MRPL50: variants seen among roughly 807,000 people sequenced by gnomAD.
MRPL50 encodes mitochondrial ribosomal protein L50, also known as large ribosomal subunit protein mL50.
Under a neutral mutation model 16.2 loss-of-function variants are expected in MRPL50, and 10 were observed. The ratio of observed to expected loss-of-function variants is 0.62; its 90% CI spans 0.38 to 1.05. The LOEUF is 1.05. Ranked by LOEUF, MRPL50 falls within the 50% of genes least tolerant of loss-of-function variation. The probability of loss-of-function intolerance (pLI) is 0.01; values close to 1 mark genes in which losing one functional copy is unlikely to be tolerated. For synonymous variants in MRPL50, 68 were observed against 66.8 expected (o/e 1.02, Z -0.09); for missense variants, 213 against 187.1 (o/e 1.14, Z -0.81).
intron 1 of MRPL50, among the ~76,000 whole-genome samples, chr9:101,393,179 A>C (rs1830294871): frequency 6.6e-6 from 1 of 152,166 alleles, no homozygotes. Flanking sequence ...AACTCTCAAT[A>C]AACTGGATAC....
At chr9:101,397,456 C>G (rs1830369947) in intron 1 of MRPL50, among the ~76,000 whole-genome samples, 1 of 152,156 alleles carries the variant, frequency 6.6e-6, no homozygotes, top group African/African-American at 2.4e-5. Context: ...TAGTTTTCTT[C>G]ATAATTTACC....
Position 101,390,856 on chromosome 9 carries a change from A to G in MRPL50, c.93-6T>C. The G allele has an allele frequency of 6.3e-7, 1 of 1,576,370 alleles. No individual in the cohort carries two copies. On this transcript the variant is annotated splice_polypyrimidine_tract_variant and splice_region_variant and intron_variant, in intron 1 of 1. Coordinates refer to ENST00000374865, the MANE Select transcript of MRPL50 (RefSeq NM_019051.3). ...CCACTGGCTCTTTCTCTTTTCTGGA[A>G]TGATCAAAAACAAACAGACAAATCC...
chr9:101,391,611 G>T (rs1830272109), intron 1 of MRPL50, among the ~76,000 whole-genome samples: 2 of 152,074 alleles, frequency 1.3e-5, no homozygotes, highest in African/African-American at 4.8e-5. Flanking sequence ...TAATCATAAT[G>T]AGGTCAATTC....
At chr9:101,392,055 T>A (rs986960803) in intron 1 of MRPL50, among the ~76,000 whole-genome samples, 4 of 151,938 alleles carry the variant, frequency 2.6e-5, no homozygotes, top group Admixed American at 6.6e-5. Context: ...AATAACATGC[T>A]CCCAAATGAC....
At chr9:101,393,268 T>C (rs11792975) in intron 1 of MRPL50, among the ~76,000 whole-genome samples, 10,786 of 152,054 alleles carry the variant, frequency 0.071, 504 homozygotes, top group South Asian at 0.15. Context: ...GCTAGCATCA[T>C]TGAATGGGAA....
chr9:101,392,681 A>T (rs1442740696), intron 1 of MRPL50, among the ~76,000 whole-genome samples: 1 of 152,084 alleles, frequency 6.6e-6, no homozygotes, highest in East Asian at 1.9e-4. Context: ...TGGCTTCACT[A>T]CTGAACTCTA....
rs753553762 is a variant in MRPL50 at position 101,390,691 on chromosome 9, A to G, written c.252T>C (p.Ser84=). The change falls in exon 2 of 2, where the codon AGT becomes AGC. Residue 84 remains serine, a synonymous_variant. Coordinates refer to ENST00000374865, the MANE Select transcript of MRPL50 (RefSeq NM_019051.3). The stretch of plus-strand genomic sequence containing the variant: ...CTTCCAGGGAGATGTCTTGCCAATT[A>G]CTAGGAAGAGATGAACCAAAAACTT... ...VKEVFGSSLP[S]NWQDISLEDS... is the part of the protein sequence containing the mutation. 5 of 1,613,346 alleles carry G rather than the reference A, an allele frequency of 3.1e-6. No homozygotes were observed. The highest frequency in any genetic ancestry group is 3.4e-6 in the Non-Finnish European group (4 of 1,179,534).
chr9:101,395,602 C>T (rs540268466), intron 1 of MRPL50, among the ~76,000 whole-genome samples: 40 of 151,924 alleles, frequency 2.6e-4, no homozygotes, highest in African/African-American at 9.4e-4. Context: ...GGATGAAATC[C>T]TGTCATTTGC....
intron 1 of MRPL50, 96 bp from the exon 2 acceptor site, chr9:101,390,946 TG>T (rs1487756258): frequency 3.4e-5 from 45 of 1,309,404 alleles, no homozygotes; most frequent in Non-Finnish European, 4.7e-5. Flanking sequence ...AATGGCATGC[TG>T]ATTACCACTG....
At chr9:101,395,112 A>T (rs1187154996) in intron 1 of MRPL50, among the ~76,000 whole-genome samples, 1 of 152,218 alleles carries the variant, frequency 6.6e-6, no homozygotes, top group Non-Finnish European at 1.5e-5. Context: ...TAAAAATAGC[A>T]AAAGATCTGA....
chr9:101,398,478 C>T (rs779193214), intron 1 of MRPL50, 23 bp downstream of exon 1: 35 of 1,600,064 alleles, frequency 2.2e-5, no homozygotes, highest in Non-Finnish European at 3.0e-5. Flanking sequence ...GAACATGACC[C>T]ACCGTCCACC....
chr9:101,392,883 TCAGA>T (rs1260043431), intron 1 of MRPL50, among the ~76,000 whole-genome samples: 4 of 151,654 alleles, frequency 2.6e-5, no homozygotes, highest in African/African-American at 7.3e-5. Flanking sequence ...GATACCAAAA[TCAGA>T]CAAAGACAAA....
chr9:101,395,956 C>T (rs567644939), intron 1 of MRPL50, among the ~76,000 whole-genome samples: 41 of 151,970 alleles, frequency 2.7e-4, no homozygotes, highest in African/African-American at 9.7e-4. Context: ...TAGAATGTTC[C>T]CAAAACAAAG....
chr9:101,390,549 C>T lies in MRPL50; in HGVS notation c.394G>A (p.Val132Ile). 1 of 1,613,362 alleles carries T rather than the reference C, an allele frequency of 6.2e-7. No homozygotes were observed. The highest frequency in any genetic ancestry group is 8.5e-7 in the Non-Finnish European group (1 of 1,179,482). The change falls in exon 2 of 2, where the codon GTC (valine) becomes ATC (isoleucine). Residue 132 changes from valine (V) to isoleucine (I), a missense_variant. By Grantham distance (29) the Val-to-Ile change is conservative. Coordinates refer to ENST00000374865, the MANE Select transcript of MRPL50 (RefSeq NM_019051.3). ...AATTTAGATCTATCTTGAATAGGGACATTATAGAAATCAAGAACATCTCTA... is the reference window on the plus strand; with the variant it reads ...AATTTAGATCTATCTTGAATAGGGATATTATAGAAATCAAGAACATCTCTA... ...RVRDVLDFYN[V>I]PIQDRSKFDE...
chr9:101,389,516 T>C lies in MRPL50; in HGVS notation c.*950A>G. On this transcript the variant is annotated 3_prime_UTR_variant, in exon 2 of 2. Transcript: ENST00000374865. ...GGAAAGAGAATAAATGCAACTTATT[T>C]TGTTAAAAACCCTTCTATCACTTTT... 1.6e-5 allele frequency: 21 copies of C among 1,273,208 alleles called. No individual in the cohort carries two copies. Among genetic ancestry groups the C allele is most frequent in the Non-Finnish European group, 2.2e-5 (21 of 975,148 alleles). The allele number at this position is 1,273,208 out of a possible 1,614,324, so 78.9% of individuals were successfully genotyped here.
intron 1 of MRPL50, among the ~76,000 whole-genome samples, chr9:101,395,779 G>C (rs1392541433): frequency 6.6e-6 from 1 of 152,034 alleles, no homozygotes; most frequent in African/African-American, 2.4e-5. Context: ...GTAGTGAGGA[G>C]GTAAGGTATG....
Position 101,393,641 on chromosome 9 carries a change from C to T in MRPL50, c.93-2791G>A, listed in dbSNP as rs576695498. ...ACAAAATCAGTAGCATTTCCATATG[C>T]CAATAGTAAACAATCTGAAAAAGAA... On this transcript the variant is annotated intron_variant, in intron 1 of 1. Coordinates refer to ENST00000374865, the MANE Select transcript of MRPL50 (RefSeq NM_019051.3). 2.0e-5 allele frequency among the ~76,000 whole-genome samples: 3 copies of T among 151,858 alleles called. No homozygotes were observed. In the South Asian group the frequency reaches 6.3e-4, roughly 32 times the overall value.
At chr9:101,394,953 C>T (rs960736158) in intron 1 of MRPL50, among the ~76,000 whole-genome samples, 3 of 152,082 alleles carry the variant, frequency 2.0e-5, no homozygotes, top group Non-Finnish European at 2.9e-5. Flanking sequence ...AACTAAAAAG[C>T]TTCTGCATAG....
In MRPL50 at chr9:101,398,593, C is replaced by A; in HGVS notation, c.-1G>T. On this transcript the variant is annotated 5_prime_UTR_variant, in exon 1 of 2. Coordinates refer to ENST00000374865, the MANE Select transcript of MRPL50 (RefSeq NM_019051.3). ...TGCCCGACACAGATCGCGCCGCCAT[C>A]TTCGATGAGATCCACGGGCCTGAGC... 2 of 1,613,536 alleles carry A rather than the reference C, an allele frequency of 1.2e-6. No individual in the cohort carries two copies. The highest frequency in any genetic ancestry group is 8.5e-7 in the Non-Finnish European group (1 of 1,180,020).
Sources: gnomAD v4.1 joint callset for allele counts (sites outside exome capture counted in the v4.1 genomes callset) on GRCh38, gnomAD v4.1.1 for gene constraint, MANE v1.5 for transcripts, NCBI Gene and HGNC (gene_info 2026-07-23, HGNC 2026-07-21) for gene names.